The following NUDT21 variants were observed in gnomAD, a reference collection of about 807,000 sequenced individuals.
NUDT21 encodes nudix hydrolase 21, also known as cleavage and polyadenylation specificity factor subunit 5.
In NUDT21, 5 loss-of-function variants were observed where a neutral mutation model predicts 29.8. The ratio of observed to expected loss-of-function variants is 0.17; its 90% CI spans 0.09 to 0.35. The LOEUF (loss-of-function observed/expected upper bound fraction) is 0.35, where lower values mean the gene tolerates loss of function less well. Ranked by LOEUF, NUDT21 falls within the 10% of genes least tolerant of loss-of-function variation. The probability of loss-of-function intolerance (pLI) is 1.00; values close to 1 mark genes in which losing one functional copy is unlikely to be tolerated. For missense variants in NUDT21, 76 were observed against 276.0 expected (o/e 0.28, Z 5.13); for synonymous variants, 113 against 98.5 (o/e 1.15, Z -0.87).
In NUDT21 at chr16:56,434,841, A is replaced by T; in HGVS notation, c.472-12T>A. The T allele has an allele frequency of 6.9e-7, 1 of 1,444,734 alleles. No homozygotes were observed. Among genetic ancestry groups the T allele is most frequent in the Non-Finnish European group, 9.7e-7 (1 of 1,030,210 alleles). 89.5% of individuals were successfully genotyped at this position (1,444,734 alleles called of 1,614,324 possible). A position where few individuals can be genotyped will look rare whatever the true frequency, so the allele number is the denominator to read the frequency against. On this transcript the variant is annotated splice_polypyrimidine_tract_variant and intron_variant, in intron 4 of 6. Coordinates refer to ENST00000300291, the MANE Select transcript of NUDT21 (RefSeq NM_007006.3). ...GGAATATATGGATACTGAAATTACA[A>T]ATGAATACAACTTTAATATGTATTC...
chr16:56,450,983 GGGAGGTGC>G, intron 1 of NUDT21, 96 bp downstream of exon 1: 1 of 866,416 alleles, frequency 1.2e-6, no homozygotes, highest in South Asian at 1.5e-5. Context: ...GTTGGAGGCG[GGGAGGTGC>G]AGAGGCGTGA....
Position 56,431,790 on chromosome 16 carries a change from C to T in NUDT21, c.*922G>A, listed in dbSNP as rs1962037633. On this transcript the variant is annotated 3_prime_UTR_variant, in exon 7 of 7. Coordinates refer to ENST00000300291, the MANE Select transcript of NUDT21 (RefSeq NM_007006.3). ...GAGAAAACCTGTCCTCTGCCTTGCC[C>T]CCAGTTTTCGGTTGATTCACATTAT... 1 of 152,082 alleles carries T rather than the reference C, an allele frequency of 6.6e-6. No homozygotes were observed. The highest frequency in any genetic ancestry group is 1.5e-5 in the Non-Finnish European group (1 of 68,010). The allele number at this position is 152,082 out of a possible 1,614,324, so 9.4% of individuals were successfully genotyped here.
At chr16:56,439,979 TTTCA>T in intron 3 of NUDT21, among the ~76,000 whole-genome samples, 1 of 152,228 alleles carries the variant, frequency 6.6e-6, no homozygotes, top group Non-Finnish European at 1.5e-5. Context: ...AAAATTCAGC[TTTCA>T]TTTTTATTAA....
At chr16:56,438,055 A>G (rs149792918) in intron 4 of NUDT21, among the ~76,000 whole-genome samples, 5 of 152,326 alleles carry the variant, frequency 3.3e-5, no homozygotes, top group East Asian at 1.9e-4. Context: ...ATGGAAGTAC[A>G]CTATACCAAT....
intron 4 of NUDT21, chr16:56,435,118 T>C (rs79868685): frequency 0.17 from 33,860 of 205,012 alleles, 3,002 homozygotes; most frequent in African/African-American, 0.24. Flanking sequence ...TAATAAAAGC[T>C]TTTTTTTGTT....
At position 56,431,472 on chromosome 16, in the gene NUDT21, T is replaced by C. The variant is rs761514990; in HGVS notation, c.*1240A>G. On this transcript the variant is annotated 3_prime_UTR_variant, in exon 7 of 7. Coordinates refer to ENST00000300291, the MANE Select transcript of NUDT21 (RefSeq NM_007006.3). ...TGATTTCCTCAAGTATCATATACCT[T>C]TGACATCACCCAATATTCAGGAAAA... 3.9e-5 allele frequency: 6 copies of C among 152,214 alleles called. No homozygotes were observed. The highest frequency in any genetic ancestry group is 5.9e-5 in the Non-Finnish European group (4 of 68,026). The allele number at this position is 152,214 out of a possible 1,614,324, so 9.4% of individuals were successfully genotyped here. A position where few individuals can be genotyped will look rare whatever the true frequency, so the allele number is the denominator to read the frequency against.
At chr16:56,434,866 C>T (rs370075173) in intron 4 of NUDT21, 37 bp from the exon 5 acceptor site, 1 of 1,226,450 alleles carries the variant, frequency 8.2e-7, no homozygotes, top group Non-Finnish European at 1.2e-6. Flanking sequence ...AATATGTATT[C>T]CATGGCTTCA....
Position 56,450,254 on chromosome 16 carries a change from T to C in NUDT21, c.116+833A>G, listed in dbSNP as rs932945580. On this transcript the variant is annotated intron_variant, in intron 1 of 6. Transcript: ENST00000300291. ...CAGAAACGATTTTAAAAAGCATTAC[T>C]GACAATTTCTTGATTAAGACACCCC... Among the ~76,000 whole-genome samples, 37 of 152,324 alleles carry C rather than the reference T, an allele frequency of 2.4e-4. No homozygotes were observed. The South Asian group carries it at 4.1e-3, about 17-fold the overall frequency.
chr16:56,450,771 A>G (rs1364519121), intron 1 of NUDT21, among the ~76,000 whole-genome samples: 2 of 152,230 alleles, frequency 1.3e-5, no homozygotes, highest in Admixed American at 6.5e-5. Context: ...TGGAAGGATT[A>G]AAAAAACACA....
chr16:56,433,780 C>T (rs915606933), intron 6 of NUDT21, among the ~76,000 whole-genome samples: 1 of 152,078 alleles, frequency 6.6e-6, no homozygotes, highest in Admixed American at 6.6e-5. Context: ...CTCTGCCTCC[C>T]GGGTTCAAGC....
chr16:56,439,642 T>G lies in NUDT21; in HGVS notation c.471+15A>C. On this transcript the variant is annotated intron_variant, in intron 4 of 6. Coordinates refer to ENST00000300291, the MANE Select transcript of NUDT21 (RefSeq NM_007006.3). ...CTGCTTCCAAAATGCCCAGCAAATG[T>G]AACTGAACACTGACCTGAGGAGGTT... is the stretch of plus-strand genomic sequence containing the variant. 1 of 1,557,918 alleles carries G rather than the reference T, an allele frequency of 6.4e-7. No individual in the cohort carries two copies. Among genetic ancestry groups the G allele is most frequent in the Non-Finnish European group, 8.9e-7 (1 of 1,128,732 alleles).
chr16:56,446,830 G>T, intron 2 of NUDT21, 141 bp from the exon 3 acceptor site: 1 of 537,442 alleles, frequency 1.9e-6, no homozygotes, highest in Non-Finnish European at 3.3e-6. Flanking sequence ...CAAAGTGAAG[G>T]GGGAGAATAT....
chr16:56,443,458 G>A (rs1596956611), intron 3 of NUDT21, among the ~76,000 whole-genome samples: 1 of 152,314 alleles, frequency 6.6e-6, no homozygotes, highest in Admixed American at 6.5e-5. Context: ...ACAGGTGTGA[G>A]CCACCGCGCC....
intron 4 of NUDT21, among the ~76,000 whole-genome samples, chr16:56,437,930 A>G (rs558210464): frequency 9.8e-5 from 15 of 152,336 alleles, no homozygotes; most frequent in Non-Finnish European, 1.6e-4. Flanking sequence ...TCAGTAATAC[A>G]TAAGTTTCTT....
At chr16:56,435,145 C>CA (rs1401956407) in intron 4 of NUDT21, 1 of 178,336 alleles carries the variant, frequency 5.6e-6, no homozygotes, top group African/African-American at 2.4e-5. Flanking sequence ...TTTTTTAAGA[C>CA]AGAGTTTTGC....
intron 3 of NUDT21, among the ~76,000 whole-genome samples, chr16:56,441,366 A>G (rs1962157402): frequency 6.6e-6 from 1 of 152,044 alleles, no homozygotes; most frequent in Non-Finnish European, 1.5e-5. Flanking sequence ...CCTCCCGAGT[A>G]GCTGGGACCA....
chr16:56,448,600 T>C (rs75323150), intron 1 of NUDT21, among the ~76,000 whole-genome samples: 1,793 of 152,288 alleles, frequency 0.012, 40 homozygotes, highest in African/African-American at 0.041. Context: ...CTCCTTATTG[T>C]TTCCTTCTCC....
intron 6 of NUDT21, among the ~76,000 whole-genome samples, chr16:56,433,282 A>G (rs1962057071): frequency 6.6e-6 from 1 of 152,220 alleles, no homozygotes. Flanking sequence ...TGTTGTAAGC[A>G]TTTTATATGC....
At position 56,434,054 on chromosome 16, in the gene NUDT21, C is replaced by A. The variant is rs547992247; in HGVS notation, c.662+277G>T. ...ACACTGTTGACTGCTATTTAACCAT[C>A]TCTTTTTTGAATAAAGACATCAACC... On this transcript the variant is annotated intron_variant, in intron 6 of 6. Coordinates refer to ENST00000300291, the MANE Select transcript of NUDT21 (RefSeq NM_007006.3). 2.0e-5 allele frequency among the ~76,000 whole-genome samples: 3 copies of A among 152,358 alleles called. No individual in the cohort carries two copies. The South Asian group carries it at 6.2e-4, about 32-fold the overall frequency.
Sources: allele counts gnomAD v4.1 joint callset (sites outside exome capture counted in the v4.1 genomes callset), GRCh38; gene constraint gnomAD v4.1.1; transcripts MANE v1.5; gene names NCBI Gene and HGNC (gene_info 2026-07-23, HGNC 2026-07-21).